TIMD4: variants seen among roughly 807,000 people sequenced by gnomAD.
TIMD4 encodes the protein T-cell immunoglobulin and mucin domain-containing protein 4.
A neutral mutation model predicts 41.2 loss-of-function variants in TIMD4; 31 were observed. The ratio of observed to expected loss-of-function variants is 0.75; its 90% confidence interval spans 0.57 to 1.01. The LOEUF (loss-of-function observed/expected upper bound fraction) is 1.01. Among genes scored for constraint, TIMD4 ranks in the 50% least tolerant of loss-of-function variants. TIMD4 has a pLI of 0.00. For synonymous variants in TIMD4, 204 were observed against 177.1 expected (o/e 1.15, Z -1.21); for missense variants, 479 against 472.5 (o/e 1.01, Z -0.13).
chr5:156,960,078 A>G (rs1463675449), intron 1 of TIMD4, among the ~76,000 whole-genome samples: 3 of 123,334 alleles, frequency 2.4e-5, no homozygotes, highest in Non-Finnish European at 4.9e-5. Context: ...AACAAAAGAA[A>G]AAAGAAAAGG....
intron 7 of TIMD4, among the ~76,000 whole-genome samples, chr5:156,921,515 G>C (rs1173408429): frequency 6.7e-6 from 1 of 149,376 alleles, no homozygotes; most frequent in Non-Finnish European, 1.5e-5. Flanking sequence ...AGCTACTCAG[G>C]AGGCTGAGGC....
intron 6 of TIMD4, among the ~76,000 whole-genome samples, chr5:156,924,897 A>T (rs559449522): frequency 6.6e-6 from 1 of 152,304 alleles, no homozygotes; most frequent in Admixed American, 6.5e-5. Flanking sequence ...CCTACAAGCA[A>T]ACAAATCTGA....
intron 5 of TIMD4, among the ~76,000 whole-genome samples, chr5:156,931,006 G>A (rs1372157204): frequency 6.6e-6 from 1 of 152,176 alleles, no homozygotes; most frequent in Non-Finnish European, 1.5e-5. Context: ...TCCTTATGAG[G>A]AGGTGGCAAG....
At chr5:156,929,825 T>C (rs905447409) in intron 5 of TIMD4, among the ~76,000 whole-genome samples, 1 of 152,118 alleles carries the variant, frequency 6.6e-6, no homozygotes, top group Non-Finnish European at 1.5e-5. Flanking sequence ...AAAGCAACCT[T>C]AAACAGGGGT....
Position 156,951,643 on chromosome 5 carries a change from A to G in TIMD4, c.548T>C (p.Leu183Pro). ...TTPDLTTGTP[L>P]QMTTIAVFTT... The stretch of plus-strand genomic sequence containing the variant: ...GAAGACGGCAATGGTTGTCATCTGG[A>G]GTGGTGTTCCGGTTGTGAGATCGGG... The change falls in exon 3 of 9, where the codon CTC becomes CCC. Residue 183 changes from leucine to proline, a missense_variant. Physicochemically the swap from Leu to Pro is moderately conservative, Grantham distance 98 (BLOSUM62 -3). Coordinates refer to ENST00000274532, the MANE Select transcript of TIMD4 (RefSeq NM_138379.3). 1 of 1,613,864 alleles carries G rather than the reference A, an allele frequency of 6.2e-7. No homozygotes were observed. Among genetic ancestry groups the G allele is most frequent in the Non-Finnish European group, 8.5e-7 (1 of 1,179,958 alleles).
At chr5:156,941,265 G>A (rs1476588839) in intron 5 of TIMD4, among the ~76,000 whole-genome samples, 1 of 151,880 alleles carries the variant, frequency 6.6e-6, no homozygotes, top group Non-Finnish European at 1.5e-5. Context: ...ATTGTCCTAT[G>A]ACCCTGCCAA....
chr5:156,943,587 T>C (rs1759684840), intron 5 of TIMD4, among the ~76,000 whole-genome samples: 2 of 152,280 alleles, frequency 1.3e-5, no homozygotes, highest in Admixed American at 1.3e-4. Flanking sequence ...AACATGAGCC[T>C]GAGATACAAT....
At chr5:156,955,570 G>A (rs1759956870) in intron 1 of TIMD4, among the ~76,000 whole-genome samples, 3 of 151,986 alleles carry the variant, frequency 2.0e-5, no homozygotes. Flanking sequence ...GCAGGAGAAT[G>A]GCATGTACCA....
intron 5 of TIMD4, among the ~76,000 whole-genome samples, chr5:156,932,398 C>G (rs898506134): frequency 3.9e-5 from 6 of 152,058 alleles, no homozygotes; most frequent in African/African-American, 1.4e-4. Flanking sequence ...CCCAGTAACC[C>G]ACAGCCAAAA....
intron 6 of TIMD4, among the ~76,000 whole-genome samples, chr5:156,923,042 A>G (rs1287865952): frequency 6.6e-6 from 1 of 152,122 alleles, no homozygotes; most frequent in Admixed American, 6.6e-5. Flanking sequence ...CCTGAACCTA[A>G]AAGAAAAGTT....
intron 5 of TIMD4, among the ~76,000 whole-genome samples, chr5:156,933,643 C>T (rs1759484697): frequency 6.6e-6 from 1 of 152,042 alleles, no homozygotes; most frequent in Non-Finnish European, 1.5e-5. Context: ...TCTTGGCTCA[C>T]TGCAACCTCC....
At chr5:156,935,239 T>C (rs1266928138) in intron 5 of TIMD4, among the ~76,000 whole-genome samples, 1 of 152,108 alleles carries the variant, frequency 6.6e-6, no homozygotes, top group Non-Finnish European at 1.5e-5. Flanking sequence ...AAAGTTCATT[T>C]GCGCAAGATT....
chr5:156,942,927 T>C (rs1759673315), intron 5 of TIMD4, among the ~76,000 whole-genome samples: 4 of 152,210 alleles, frequency 2.6e-5, no homozygotes, highest in Admixed American at 2.6e-4. Flanking sequence ...TACATAGCCA[T>C]CTAAACAGAG....
chr5:156,940,576 T>C (rs1444841194), intron 5 of TIMD4, among the ~76,000 whole-genome samples: 2 of 149,730 alleles, frequency 1.3e-5, no homozygotes, highest in South Asian at 2.1e-4. Context: ...CCGCCCCGTC[T>C]GGGATGTGAG....
chr5:156,934,468 T>A (rs1759503939), intron 5 of TIMD4, among the ~76,000 whole-genome samples: 1 of 152,094 alleles, frequency 6.6e-6, no homozygotes, highest in South Asian at 2.1e-4. Context: ...TTTTGTTTTG[T>A]TTTGGTAGAG....
intron 5 of TIMD4, among the ~76,000 whole-genome samples, chr5:156,942,996 A>G (rs1425786109): frequency 6.6e-6 from 1 of 152,192 alleles, no homozygotes; most frequent in African/African-American, 2.4e-5. Flanking sequence ...TACTACTATG[A>G]GATTGTAAAA....
rs1426640745 is a variant in TIMD4 at position 156,923,310 on chromosome 5, G to A, written c.895-1094C>T. On this transcript the variant is annotated intron_variant, in intron 6 of 8. Transcript: ENST00000274532. Reference sequence around the variant, plus strand: ...GTTACAGGCATGCATATCCAAGCCCGGCTAATTTTTTTGTTTTTAGTACAG... The same window carrying A: ...GTTACAGGCATGCATATCCAAGCCCAGCTAATTTTTTTGTTTTTAGTACAG... 3.3e-5 allele frequency among the ~76,000 whole-genome samples: 5 copies of A among 151,680 alleles called. No individual in the cohort carries two copies. The South Asian group carries it at 6.2e-4, about 19-fold the overall frequency.
In TIMD4 at chr5:156,922,188, T is replaced by C. The variant is rs1183057265; in HGVS notation, c.923A>G (p.Asn308Ser). ...QMDGIPMSMK[N>S]EMPISQLLMI... ...CAGTAGTTGGGAGATGGGCATTTCA[T>C]TCTTCATTGACATGGGTATTCCATC... is the stretch of plus-strand genomic sequence containing the variant. The change falls in exon 7 of 9, where the codon AAT becomes AGT. Residue 308 changes from asparagine to serine, a missense_variant. Asn to Ser is a conservative substitution (Grantham distance 46). Coordinates refer to ENST00000274532, the MANE Select transcript of TIMD4 (RefSeq NM_138379.3). 3 of 1,614,010 alleles carry C rather than the reference T, an allele frequency of 1.9e-6. No homozygotes were observed. In the East Asian group the frequency reaches 6.7e-5, roughly 36 times the overall value.
intron 5 of TIMD4, among the ~76,000 whole-genome samples, chr5:156,928,713 C>A (rs1483987388): frequency 1.3e-5 from 2 of 152,114 alleles, no homozygotes; most frequent in African/African-American, 2.4e-5. Context: ...AGGAAAGTGA[C>A]TTGTTAAATG....
Sources: gnomAD v4.1 joint callset for allele counts (sites outside exome capture counted in the v4.1 genomes callset) on GRCh38, gnomAD v4.1.1 for gene constraint, MANE v1.5 for transcripts, NCBI Gene and HGNC (gene_info 2026-07-23, HGNC 2026-07-21) for gene names.